ZBTB48: variants seen among roughly 807,000 people sequenced by gnomAD.
ZBTB48 encodes zinc finger and BTB domain-containing protein 48.
In ZBTB48, 35 loss-of-function variants were observed where a neutral mutation model predicts 64.5. The ratio of observed to expected loss-of-function variants is 0.54; its 90% CI spans 0.41 to 0.72. The LOEUF is 0.72. Ranked by LOEUF, ZBTB48 falls within the 30% of genes least tolerant of loss-of-function variation. The pLI is 0.00. For missense variants in ZBTB48, 828 were observed against 895.3 expected, an observed-to-expected ratio of 0.92 and a Z score of 0.96; for synonymous variants, 442 against 356.7, an observed-to-expected ratio of 1.24 and a Z score of -2.70.
chr1:6,586,034 C>T lies in ZBTB48; in HGVS notation c.1044+4C>T. On this transcript the variant is annotated splice_donor_region_variant and intron_variant, in intron 4 of 10. Coordinates refer to ENST00000377674, the MANE Select transcript of ZBTB48 (RefSeq NM_005341.4). ...TTGCATGAACCGCTCGGAACAGGTA[C>T]TTGGGAGCTGGCCCAGGTACTTGTG... 1 of 1,614,048 alleles carries T rather than the reference C, an allele frequency of 6.2e-7. No individual in the cohort carries two copies. Among genetic ancestry groups the T allele is most frequent in the Non-Finnish European group, 8.5e-7 (1 of 1,179,902 alleles).
intron 5 of ZBTB48, 83 bp from the exon 6 acceptor site, chr1:6,587,122 T>G (rs1471710567): frequency 1.4e-6 from 2 of 1,450,992 alleles, no homozygotes; most frequent in Non-Finnish European, 1.9e-6. Context: ...CTCCCTCTAG[T>G]TCCTGCCCTA....
At position 6,581,266 on chromosome 1, in the gene ZBTB48, T is replaced by C. The variant is rs1640444035; in HGVS notation, c.657T>C (p.Ala219=). 6.2e-7 allele frequency: 1 copy of C among 1,608,718 alleles called. No homozygotes were observed. Among genetic ancestry groups the C allele is most frequent in the Non-Finnish European group, 8.5e-7 (1 of 1,177,896 alleles). The change falls in exon 2 of 11, where the codon GCT becomes GCC. Residue 219 remains alanine (A), a synonymous_variant. Transcript: ENST00000377674. Reference sequence around the variant, plus strand: ...AAGTGCCCCCAAGGCCCTTAGAGGCTGAAGGTGCCCAGCTGCAGGGCGGCA... The same window carrying C: ...AAGTGCCCCCAAGGCCCTTAGAGGCCGAAGGTGCCCAGCTGCAGGGCGGCA... ...DCKVPPRPLE[A]EGAQLQGGSN...
chr1:6,582,376 T>G, intron 3 of ZBTB48, 77 bp downstream of exon 3: 1 of 1,549,410 alleles, frequency 6.5e-7, no homozygotes, highest in South Asian at 1.2e-5. Context: ...ACTTCCCACT[T>G]CTGGGTGAGG....
intron 7 of ZBTB48, among the ~76,000 whole-genome samples, 153 bp downstream of exon 7, chr1:6,587,785 G>C (rs1557426680): frequency 6.6e-6 from 1 of 152,192 alleles, no homozygotes; most frequent in East Asian, 1.9e-4. Flanking sequence ...TGGGATAGTG[G>C]GACCTGAGGG....
Position 6,580,374 on chromosome 1 carries a change from C to G in ZBTB48, c.-69-167C>G, listed in dbSNP as rs1413074645. Among the ~76,000 whole-genome samples, 3 of 146,702 alleles carry G rather than the reference C, an allele frequency of 2.0e-5. No homozygotes were observed. The East Asian group carries it at 5.8e-4, about 28-fold the overall frequency. On this transcript the variant is annotated intron_variant, in intron 1 of 10. Coordinates refer to ENST00000377674, the MANE Select transcript of ZBTB48 (RefSeq NM_005341.4). This position sits in a 1 kb window ranked among gnomAD's most constrained non-coding sequence, Gnocchi z 5.2. The stretch of plus-strand genomic sequence containing the variant: ...GCCCTTCTTCACGACCCTGGCCCCC[C>G]ATCCAGCATCCCCCCTGGCCAATCC...
In ZBTB48 at chr1:6,581,124, C is replaced by G. The variant is rs761064745; in HGVS notation, c.515C>G (p.Pro172Arg). The G allele has an allele frequency of 6.2e-7, 1 of 1,613,146 alleles. No individual in the cohort carries two copies. Among genetic ancestry groups the G allele is most frequent in the African/African-American group, 1.3e-5 (1 of 74,918 alleles). ...RDQEPRGSHS[P>R]QRPQLHSPAQ... ...CAGGAGCCCAGAGGCAGTCATAGTC[C>G]TCAGAGGCCCCAGCTCCATTCCCCA... Residue 172 changes from proline (P) to arginine (R), a missense_variant, in exon 2 of 11, where the codon CCT becomes CGT. By Grantham distance (103) the Pro-to-Arg change is moderately radical (BLOSUM62 -2). Coordinates refer to ENST00000377674, the MANE Select transcript of ZBTB48 (RefSeq NM_005341.4).
At position 6,589,056 on chromosome 1, in the gene ZBTB48, C is replaced by G. The variant is rs768013276; in HGVS notation, c.1911C>G (p.Gly637=). The G allele has an allele frequency of 4.2e-5, 68 of 1,602,296 alleles. 1 individual carries two copies. The highest frequency in any genetic ancestry group is 5.5e-5 in the Non-Finnish European group (65 of 1,175,216). Residue 637 remains glycine, a synonymous_variant, in exon 11 of 11, where the codon GGC becomes GGG. Transcript: ENST00000377674. The part of the protein sequence containing the change: ...ALQPPAELEV[G]SAEVIVESLA... ...AGCCGCCTGCAGAGCTGGAGGTGGG[C>G]TCGGCGGAGGTCATTGTGGAGTCCC...
At chr1:6,585,476 G>A in intron 3 of ZBTB48, 1 of 185,782 alleles carries the variant, frequency 5.4e-6, no homozygotes, top group East Asian at 1.2e-4. Context: ...GGGGGAGGCA[G>A]TCACGGAGCG....
Position 6,589,095 on chromosome 1 carries a change from C to T in ZBTB48, c.1950C>T (p.Gly650=). ...TTGTGGAGTCCCTGGCCCAGGGCGG[C>T]CTGGCCTCCCAGCTCCCCGGCCAGA... ...EVIVESLAQG[G]LASQLPGQRL... Residue 650 remains glycine (G), a synonymous_variant, in exon 11 of 11, where the codon GGC becomes GGT. Transcript: ENST00000377674. The T allele has an allele frequency of 1.2e-6, 2 of 1,608,410 alleles. No homozygotes were observed. The highest frequency in any genetic ancestry group is 1.7e-6 in the Non-Finnish European group (2 of 1,178,004).
In ZBTB48 at chr1:6,589,235, A is replaced by G. The variant is rs561085740; in HGVS notation, c.*23A>G. 148 of 1,490,716 alleles carry G rather than the reference A, an allele frequency of 9.9e-5. 2 individuals are homozygous for G. The South Asian group carries it at 1.8e-3, about 18-fold the overall frequency. The allele number at this position is 1,490,716 out of a possible 1,614,324, so 92.3% of individuals were successfully genotyped here. On this transcript the variant is annotated 3_prime_UTR_variant, in exon 11 of 11. Coordinates refer to ENST00000377674, the MANE Select transcript of ZBTB48 (RefSeq NM_005341.4). ...TAGCCCATTCTGGCCACCAGAGCCC[A>G]CTTGGCCCCACCCCTCAATAAACCG... is the stretch of plus-strand genomic sequence containing the variant.
Position 6,580,697 on chromosome 1 carries a change from C to G in ZBTB48, c.88C>G (p.Leu30Val), listed in dbSNP as rs1168128841. The change falls in exon 2 of 11, where the codon CTG (leucine) becomes GTG (valine). Residue 30 changes from leucine (L) to valine (V), a missense_variant. Physicochemically the swap from Leu to Val is conservative, Grantham distance 32 (BLOSUM62 1). Transcript: ENST00000377674. The surrounding 1 kb of genome is among the most constrained non-coding windows in gnomAD (Gnocchi z 5.2). ...GAAGGGCCAGTACTGCGACGCCACTCTGGACGTGGGGGGCCTGGTGTTTAA... is the reference window on the plus strand; with the variant it reads ...GAAGGGCCAGTACTGCGACGCCACTGTGGACGTGGGGGGCCTGGTGTTTAA... ...REKGQYCDAT[L>V]DVGGLVFKAH... is the part of the protein sequence containing the mutation. 1 of 1,614,192 alleles carries G rather than the reference C, an allele frequency of 6.2e-7. No homozygotes were observed. The highest frequency in any genetic ancestry group is 8.5e-7 in the Non-Finnish European group (1 of 1,180,040).
At chr1:6,586,810 G>A in intron 5 of ZBTB48, 23 bp downstream of exon 5, 3 of 1,602,440 alleles carry the variant, frequency 1.9e-6, no homozygotes, top group Non-Finnish European at 2.6e-6. Flanking sequence ...CTGTCTCCAG[G>A]GCCAGGGTTG....
rs2148682298 is a variant in ZBTB48 at position 6,580,542 on chromosome 1, A to G, written c.-68A>G. On this transcript the variant is annotated splice_region_variant and 5_prime_UTR_variant, in exon 2 of 11. Coordinates refer to ENST00000377674, the MANE Select transcript of ZBTB48 (RefSeq NM_005341.4). This position sits in a 1 kb window ranked among gnomAD's most constrained non-coding sequence, Gnocchi z 5.2. The stretch of plus-strand genomic sequence containing the variant: ...CCCGTTTCTCTCTCTTGACTCCAGG[A>G]GCTTTCTCTTGCATACCCTCGCTTA... The G allele has an allele frequency of 6.7e-7, 1 of 1,501,408 alleles. No homozygotes were observed. The highest frequency in any genetic ancestry group is 2.3e-5 in the East Asian group (1 of 43,988). 93.0% of individuals were successfully genotyped at this position (1,501,408 alleles called of 1,614,324 possible). A position where few individuals can be genotyped will look rare whatever the true frequency, so the allele number is the denominator to read the frequency against.
chr1:6,588,723 G>C (rs545488726), intron 9 of ZBTB48, 33 bp from the exon 10 acceptor site: 3 of 1,613,618 alleles, frequency 1.9e-6, no homozygotes, highest in African/African-American at 2.7e-5. Flanking sequence ...CGGGGCTCCT[G>C]CATGATCCCC....
chr1:6,588,630 C>T, intron 9 of ZBTB48, 126 bp from the exon 10 acceptor site: 1 of 1,467,148 alleles, frequency 6.8e-7, no homozygotes, highest in Non-Finnish European at 9.2e-7. Flanking sequence ...GAGAGCCTGG[C>T]AGGGCCTGTG....
At chr1:6,581,756 C>G (rs915086640) in intron 2 of ZBTB48, among the ~76,000 whole-genome samples, 2 of 152,160 alleles carry the variant, frequency 1.3e-5, no homozygotes, top group African/African-American at 4.8e-5. Flanking sequence ...TGACCTCAGG[C>G]TGACCTTTCT....
At chr1:6,583,785 T>TA in intron 3 of ZBTB48, among the ~76,000 whole-genome samples, 2 of 147,550 alleles carry the variant, frequency 1.4e-5, no homozygotes, top group East Asian at 3.9e-4. Flanking sequence ...ACTTTTTTTT[T>TA]TTTTTTTTTT....
Position 6,584,101 on chromosome 1 carries a change from G to C in ZBTB48, c.932+1802G>C, listed in dbSNP as rs563584770. On this transcript the variant is annotated intron_variant, in intron 3 of 10. Transcript: ENST00000377674. The surrounding 1 kb of genome is among the most constrained non-coding windows in gnomAD (Gnocchi z 4.5). ...CCAGCCATTTTTTTACTTTTTAGTA[G>C]TGATGGGTTTCACCATATTGGCCAG... Among the ~76,000 whole-genome samples the C allele has an allele frequency of 6.7e-6, 1 of 149,392 alleles. No individual in the cohort carries two copies. The highest frequency in any genetic ancestry group is 2.1e-4 in the South Asian group (1 of 4,706).
rs1158388203 is a variant in ZBTB48 at position 6,585,221 on chromosome 1, CAG to C, written c.933-692_933-691del. The C allele has an allele frequency of 2.6e-5, 4 of 152,640 alleles. 1 individual carries two copies. The highest frequency in any genetic ancestry group is 9.6e-5 in the African/African-American group (4 of 41,480). 9.5% of individuals were successfully genotyped at this position (152,640 alleles called of 1,614,324 possible). A position where few individuals can be genotyped will look rare whatever the true frequency, so the allele number is the denominator to read the frequency against. ...AGTGGGTGACTGGGGAGCATCTGGG[CAG>C]AGAGAAGAGCCAGGGCGCTGGGGTA... On this transcript the variant is annotated intron_variant, in intron 3 of 10. Coordinates refer to ENST00000377674, the MANE Select transcript of ZBTB48 (RefSeq NM_005341.4).
Sources: allele counts gnomAD v4.1 joint callset (sites outside exome capture counted in the v4.1 genomes callset), GRCh38; gene constraint gnomAD v4.1.1; non-coding constraint Gnocchi (gnomAD v3.1); transcripts MANE v1.5; gene names NCBI Gene and HGNC (gene_info 2026-07-23, HGNC 2026-07-21).